Variants in DNAJB6 observed in about 807,000 individuals in gnomAD.
DNAJB6 encodes dnaJ homolog subfamily B member 6.
DNAJB6 carries 16 observed loss-of-function variants against 42.7 expected under a neutral mutation model. The observed-to-expected ratio is 0.37, with a 90% confidence interval of 0.25 to 0.57. DNAJB6 has a LOEUF of 0.57. Among genes scored for constraint, DNAJB6 ranks in the 20% least tolerant of loss-of-function variants. DNAJB6 has a pLI of 0.74. For missense variants in DNAJB6, 347 were observed against 416.8 expected, an observed-to-expected ratio of 0.83 and a Z score of 1.46; for synonymous variants, 170 against 163.5, an observed-to-expected ratio of 1.04 and a Z score of -0.30.
At chr7:157,338,936 A>G (rs1347712834) in intron 1 of DNAJB6, among the ~76,000 whole-genome samples, 1 of 152,232 alleles carries the variant, frequency 6.6e-6, no homozygotes, top group Non-Finnish European at 1.5e-5. Context: ...CAGAGCTCTT[A>G]AAGAATTTGA....
intron 1 of DNAJB6, among the ~76,000 whole-genome samples, chr7:157,338,831 A>G (rs1798188604): frequency 6.6e-6 from 1 of 152,208 alleles, no homozygotes; most frequent in Non-Finnish European, 1.5e-5. Flanking sequence ...GAGATTTGAC[A>G]GGAAGTGGGA....
chr7:157,370,955 TG>T (rs1409605371), intron 5 of DNAJB6: 1 of 152,560 alleles, frequency 6.6e-6, no homozygotes, highest in African/African-American at 2.4e-5. Flanking sequence ...CACCCTGGTC[TG>T]TGGCCTGTTA....
chr7:157,353,179 C>T (rs540106432), intron 1 of DNAJB6, among the ~76,000 whole-genome samples: 5 of 150,842 alleles, frequency 3.3e-5, no homozygotes, highest in African/African-American at 7.2e-5. Flanking sequence ...TTGTCCGCCT[C>T]GGGCTCCTAA....
rs762681037 is a variant in DNAJB6 at position 157,363,191 on chromosome 7, A to G, written c.96A>G (p.Pro32=). The G allele has an allele frequency of 6.2e-7, 1 of 1,610,826 alleles. No homozygotes were observed. Among genetic ancestry groups the G allele is most frequent in the Non-Finnish European group, 8.5e-7 (1 of 1,178,522 alleles). ...AYRKLALKWH[P]DKNPENKEEA... ...GGAAACTGGCACTGAAGTGGCATCC[A>G]GATAAAAATCCTGAGAATAAAGAAG... Residue 32 remains proline (P), a synonymous_variant, in exon 3 of 10, where the codon CCA becomes CCG. Coordinates refer to ENST00000262177, the MANE Select transcript of DNAJB6 (RefSeq NM_058246.4).
chr7:157,375,822 CG>C (rs1294763903), intron 5 of DNAJB6, among the ~76,000 whole-genome samples: 10 of 152,218 alleles, frequency 6.6e-5, no homozygotes, highest in Non-Finnish European at 1.2e-4. Context: ...GAATCTCAAG[CG>C]TTTCTCCCTT....
intron 2 of DNAJB6, 62 bp downstream of exon 2, chr7:157,358,699 A>G (rs1799431962): frequency 1.4e-5 from 19 of 1,321,740 alleles, no homozygotes; most frequent in Non-Finnish European, 1.9e-5. Flanking sequence ...ATTGAGTAGT[A>G]TAACTTCTTC....
chr7:157,390,569 A>G (rs1309528853), intron 8 of DNAJB6, among the ~76,000 whole-genome samples: 1 of 152,198 alleles, frequency 6.6e-6, no homozygotes, highest in Admixed American at 6.5e-5. Context: ...TTTGGTGCTG[A>G]AACATTGCTG....
At chr7:157,384,437 C>T (rs532622294) in intron 6 of DNAJB6, among the ~76,000 whole-genome samples, 3 of 152,132 alleles carry the variant, frequency 2.0e-5, no homozygotes, top group African/African-American at 7.2e-5. Context: ...TTACAAGCCA[C>T]GCCAAAGCAA....
At chr7:157,358,749 C>G (rs1419293867) in intron 2 of DNAJB6, 112 bp downstream of exon 2, 9 of 786,468 alleles carry the variant, frequency 1.1e-5, no homozygotes, top group Admixed American at 4.3e-5. Flanking sequence ...GTATACCAGT[C>G]TTTGAATGCC....
chr7:157,377,653 G>A (rs1171635752), intron 5 of DNAJB6, among the ~76,000 whole-genome samples: 1 of 152,130 alleles, frequency 6.6e-6, no homozygotes, highest in Non-Finnish European at 1.5e-5. Flanking sequence ...GATTGGTCGA[G>A]GCCCATCCAC....
At chr7:157,368,857 T>A in intron 5 of DNAJB6, 2 of 169,816 alleles carry the variant, frequency 1.2e-5, no homozygotes, top group South Asian at 1.3e-4. Flanking sequence ...AAGAGAAGAG[T>A]AGTTGTGTCT....
rs935483330 is a variant in DNAJB6, at chr7:157,340,983, T to C, written c.-27+3839T>C. On this transcript the variant is annotated intron_variant, in intron 1 of 9. Transcript: ENST00000262177. Reference sequence around the variant, plus strand: ...ACCTGGCTGTGTGTGTGTGTGTGTGTGTGTGTGTGTGTGTGCGCGCGCGCA... The same window carrying C: ...ACCTGGCTGTGTGTGTGTGTGTGTGCGTGTGTGTGTGTGTGCGCGCGCGCA... Among the ~76,000 whole-genome samples the C allele has an allele frequency of 1.1e-4, 11 of 102,018 alleles. No individual in the cohort carries two copies. The East Asian group carries it at 2.5e-3, about 23-fold the overall frequency. The allele number at this position is 102,018 out of a possible 152,430, so 66.9% of individuals were successfully genotyped here.
intron 1 of DNAJB6, among the ~76,000 whole-genome samples, chr7:157,354,342 G>T (rs1255325370): frequency 6.6e-6 from 1 of 151,826 alleles, no homozygotes; most frequent in Admixed American, 6.6e-5. Context: ...AGACAAGGTT[G>T]CTCCATGTTG....
At chr7:157,393,814 C>G (rs777814774) in intron 8 of DNAJB6, among the ~76,000 whole-genome samples, 2 of 152,194 alleles carry the variant, frequency 1.3e-5, no homozygotes, top group Non-Finnish European at 2.9e-5. Context: ...AGAGCCACCT[C>G]ACAGTTACTG....
chr7:157,392,820 T>G (rs1376518032), intron 8 of DNAJB6, among the ~76,000 whole-genome samples: 1 of 152,206 alleles, frequency 6.6e-6, no homozygotes, highest in East Asian at 1.9e-4. Context: ...TGTCTTAATA[T>G]GTAGGTGTGC....
At chr7:157,370,723 G>A (rs922376851) in intron 5 of DNAJB6, 4 of 152,624 alleles carry the variant, frequency 2.6e-5, no homozygotes, top group African/African-American at 9.7e-5. Flanking sequence ...TGTTTCCCAT[G>A]ATTAGTGTGG....
intron 2 of DNAJB6, among the ~76,000 whole-genome samples, chr7:157,360,992 CAG>C (rs1799555672): frequency 6.6e-6 from 1 of 152,186 alleles, no homozygotes; most frequent in African/African-American, 2.4e-5. Flanking sequence ...GGGGCATACA[CAG>C]TTGAATCTTG....
At chr7:157,392,447 G>T (rs151254999) in intron 8 of DNAJB6, among the ~76,000 whole-genome samples, 147 of 151,518 alleles carry the variant, frequency 9.7e-4, no homozygotes, top group African/African-American at 3.2e-3. Context: ...GTGTGCGTGC[G>T]TGTGCCTGTT....
chr7:157,349,945 C>A (rs573232793), intron 1 of DNAJB6, among the ~76,000 whole-genome samples: 7 of 152,088 alleles, frequency 4.6e-5, no homozygotes, highest in African/African-American at 1.7e-4. Context: ...GCCTGGCCAA[C>A]GCCCGGCTAA....
Sources: allele counts gnomAD v4.1 joint callset (sites outside exome capture counted in the v4.1 genomes callset), GRCh38; gene constraint gnomAD v4.1.1; transcripts MANE v1.5; gene names NCBI Gene and HGNC (gene_info 2026-07-23, HGNC 2026-07-21).